Variants in AEBP2 observed in about 807,000 individuals in gnomAD.
The protein encoded by AEBP2 is zinc finger protein AEBP2.
A neutral mutation model predicts 50.8 loss-of-function variants in AEBP2; 10 were observed. The ratio of observed to expected loss-of-function variants is 0.20; its 90% CI spans 0.12 to 0.33. The LOEUF is 0.33. AEBP2 is among the 10% of genes least tolerant of loss of function. The pLI is 1.00. For missense variants in AEBP2, 570 were observed against 688.0 expected (o/e 0.83, Z 1.92); for synonymous variants, 296 against 261.3 (o/e 1.13, Z -1.28).
Position 19,518,776 on chromosome 12 carries a change from G to T in AEBP2, c.*659G>T. On this transcript the variant is annotated 3_prime_UTR_variant, in exon 8 of 8. Coordinates refer to ENST00000266508, the MANE Select transcript of AEBP2 (RefSeq NM_153207.5). ...TATCGAATTAGGGCTGAAAATTACT[G>T]TTAAAGAGTGTTGCAGTATGTCTGG... 3 of 1,426,404 alleles carry T rather than the reference G, an allele frequency of 2.1e-6. No homozygotes were observed. The highest frequency in any genetic ancestry group is 2.8e-6 in the Non-Finnish European group (3 of 1,053,974). 88.4% of individuals were successfully genotyped at this position (1,426,404 alleles called of 1,614,324 possible). A position where few individuals can be genotyped will look rare whatever the true frequency, so the allele number is the denominator to read the frequency against.
At chr12:19,457,136 A>C in intron 1 of AEBP2, 23 of 1,598,510 alleles carry the variant, frequency 1.4e-5, no homozygotes, top group South Asian at 4.4e-5. Flanking sequence ...ATTTCCTCAT[A>C]TCTCTTCTGG....
intron 2 of AEBP2, among the ~76,000 whole-genome samples, chr12:19,466,566 A>G (rs1290680138): frequency 6.6e-6 from 1 of 152,154 alleles, no homozygotes; most frequent in Non-Finnish European, 1.5e-5. Flanking sequence ...TATCATCCCA[A>G]ATTGAAATCT....
intron 4 of AEBP2, among the ~76,000 whole-genome samples, chr12:19,499,106 T>G (rs1949028059): frequency 6.6e-6 from 1 of 152,200 alleles, no homozygotes; most frequent in Non-Finnish European, 1.5e-5. Context: ...TTTGTTTTAT[T>G]TAATTACAAT....
chr12:19,445,308 C>T (rs12830973), intron 1 of AEBP2, among the ~76,000 whole-genome samples: 13,853 of 152,078 alleles, frequency 0.091, 709 homozygotes, highest in Middle Eastern at 0.15. Flanking sequence ...AAGCAATTCT[C>T]CTGCCTCAGC....
At chr12:19,499,376 G>A (rs1949033145) in intron 4 of AEBP2, among the ~76,000 whole-genome samples, 1 of 152,160 alleles carries the variant, frequency 6.6e-6, no homozygotes, top group African/African-American at 2.4e-5. Context: ...ACTTTTGGAG[G>A]CCGAGGTAGG....
intron 3 of AEBP2, among the ~76,000 whole-genome samples, chr12:19,486,271 T>C (rs939564917): frequency 4.6e-5 from 7 of 152,162 alleles, no homozygotes; most frequent in Non-Finnish European, 1.0e-4. Context: ...ATCAGCGAGA[T>C]TTGTACGAAT....
chr12:19,433,656 T>C (rs2095752582), intron 1 of AEBP2, among the ~76,000 whole-genome samples: 1 of 151,692 alleles, frequency 6.6e-6, no homozygotes, highest in Non-Finnish European at 1.5e-5. Context: ...GGCAGGCGCC[T>C]GTGATCCCAG....
At chr12:19,516,195 A>G (rs1471921673) in intron 7 of AEBP2, among the ~76,000 whole-genome samples, 1 of 152,254 alleles carries the variant, frequency 6.6e-6, no homozygotes, top group East Asian at 1.9e-4. Flanking sequence ...GATTGAGAGT[A>G]ATCTACCAAA....
At chr12:19,466,946 C>T in intron 2 of AEBP2, 1 of 303,236 alleles carries the variant, frequency 3.3e-6, no homozygotes, top group Non-Finnish European at 4.8e-6. Context: ...CATTATATAT[C>T]CACTTAGCAT....
At chr12:19,508,556 A>C (rs545302454) in intron 5 of AEBP2, among the ~76,000 whole-genome samples, 1 of 152,346 alleles carries the variant, frequency 6.6e-6, no homozygotes, top group South Asian at 2.1e-4. Context: ...TAAGAGTTTG[A>C]CGTTATTGTT....
At chr12:19,498,450 G>A (rs866437545) in intron 4 of AEBP2, among the ~76,000 whole-genome samples, 4 of 152,092 alleles carry the variant, frequency 2.6e-5, no homozygotes, top group African/African-American at 9.7e-5. Context: ...GTTTAGGTAT[G>A]TTCTATTTGA....
chr12:19,499,976 AAAT>A, intron 4 of AEBP2, 118 bp from the exon 5 acceptor site: 1 of 995,692 alleles, frequency 1.0e-6, no homozygotes. Context: ...TTTTGTAAGC[AAAT>A]AATAATCTTG....
At chr12:19,435,373 C>T (rs1328708170), upstream of AEBP2, among the ~76,000 whole-genome samples, 5 of 151,932 alleles carry the variant, frequency 3.3e-5, no homozygotes, top group East Asian at 1.9e-4. Flanking sequence ...CTCCACCTCC[C>T]GGGTTCAAGT....
chr12:19,446,732 CAAAAAAA>C (rs34624474), intron 1 of AEBP2, among the ~76,000 whole-genome samples: 1 of 115,058 alleles, frequency 8.7e-6, no homozygotes. Flanking sequence ...ACTCCGTTTC[CAAAAAAA>C]AAAAAAAAAA....
intron 1 of AEBP2, among the ~76,000 whole-genome samples, chr12:19,414,713 A>G (rs2095741277): frequency 6.6e-6 from 1 of 152,180 alleles, no homozygotes; most frequent in African/African-American, 2.4e-5. Flanking sequence ...ACTTGAGGTC[A>G]AGAGTTCGAG....
chr12:19,422,578 C>T (rs190556028), intron 1 of AEBP2, among the ~76,000 whole-genome samples: 234 of 151,918 alleles, frequency 1.5e-3, no homozygotes, highest in African/African-American at 5.4e-3. Context: ...CTCACTGCAA[C>T]GTCCACCTCC....
At chr12:19,504,224 TGATCTA>T (rs1296747791) in intron 5 of AEBP2, among the ~76,000 whole-genome samples, 1 of 151,252 alleles carries the variant, frequency 6.6e-6, no homozygotes, top group Admixed American at 6.6e-5. Context: ...TTTCCTATTG[TGATCTA>T]GTATAGTTGT....
intron 7 of AEBP2, among the ~76,000 whole-genome samples, chr12:19,515,510 T>C (rs1405442045): frequency 6.6e-6 from 1 of 152,194 alleles, no homozygotes; most frequent in African/African-American, 2.4e-5. Flanking sequence ...ATCCAAATGA[T>C]GTACACGAGA....
intron 1 of AEBP2, among the ~76,000 whole-genome samples, chr12:19,426,101 A>G (rs563269117): frequency 1.3e-5 from 2 of 152,114 alleles, no homozygotes; most frequent in African/African-American, 4.8e-5. Flanking sequence ...ACAACTGGCT[A>G]ATTTTTATAT....
Sources: allele counts gnomAD v4.1 joint callset (sites outside exome capture counted in the v4.1 genomes callset), GRCh38; gene constraint gnomAD v4.1.1; transcripts MANE v1.5; gene names NCBI Gene and HGNC (gene_info 2026-07-23, HGNC 2026-07-21).